Variants in SYTL2 observed in about 807,000 individuals in gnomAD.
SYTL2 encodes the protein synaptotagmin-like protein 2.
A neutral mutation model predicts 198.7 loss-of-function variants in SYTL2; 165 were observed. The observed-to-expected ratio is 0.83, with a 90% confidence interval of 0.73 to 0.94. The LOEUF (loss-of-function observed/expected upper bound fraction) is 0.94. Ranked by LOEUF, SYTL2 falls within the 40% of genes least tolerant of loss-of-function variation. The probability of loss-of-function intolerance (pLI) is 0.00; values close to 1 mark genes in which losing one functional copy is unlikely to be tolerated. For synonymous variants in SYTL2, 966 were observed against 917.7 expected, an observed-to-expected ratio of 1.05 and a Z score of -0.95; for missense variants, 2,835 against 2,582.8, an observed-to-expected ratio of 1.10 and a Z score of -2.12.
At chr11:85,781,940 T>C (rs1435405570) in intron 1 of SYTL2, among the ~76,000 whole-genome samples, 2 of 152,194 alleles carry the variant, frequency 1.3e-5, no homozygotes, top group African/African-American at 2.4e-5. Context: ...AGTGCAAGTG[T>C]TGGTGGATCT....
chr11:85,725,607 T>C lies in SYTL2; in HGVS notation c.3751A>G (p.Lys1251Glu). 2 of 1,614,144 alleles carry C rather than the reference T, an allele frequency of 1.2e-6. No individual in the cohort carries two copies. Among genetic ancestry groups the C allele is most frequent in the Non-Finnish European group, 1.7e-6 (2 of 1,180,010 alleles). ...SKLEEGRFFG[K>E]GIEQSHNTSA... ...GTATTGTGACTCTGTTCTATCCCTT[T>C]TCCAAAAAATCTCCCCTCTTCCAGC... Residue 1251 changes from lysine to glutamate, a missense_variant, in exon 8 of 20, where the codon AAA (lysine) becomes GAA (glutamate). Lys to Glu is a moderately conservative substitution (Grantham distance 56). This residue lies in a region of SYTL2 where 2,645 missense variants were observed against 2,381.7 expected (regional missense o/e 1.11). Transcript: ENST00000359152.
At chr11:85,696,614 T>C (rs961565068) in intron 18 of SYTL2, 31 of 546,558 alleles carry the variant, frequency 5.7e-5, no homozygotes, top group Non-Finnish European at 9.8e-5. Flanking sequence ...CTGACTCTGC[T>C]ACCTCCTGGG....
At chr11:85,779,065 T>C (rs2092511470) in intron 1 of SYTL2, among the ~76,000 whole-genome samples, 1 of 152,056 alleles carries the variant, frequency 6.6e-6, no homozygotes, top group Non-Finnish European at 1.5e-5. Context: ...ATATAACATA[T>C]ACATCTATAT....
Position 85,725,652 on chromosome 11 carries a change from T to G in SYTL2, c.3706A>C (p.Ile1236Leu). The change falls in exon 8 of 20, where the codon ATC becomes CTC. Residue 1236 changes from isoleucine to leucine, a missense_variant. Coordinates refer to ENST00000359152, the MANE Select transcript of SYTL2 (RefSeq NM_206927.4). ...SPLQAKLAPV[I>L]TGTNSKLEEG... ...TCCAGCTTAGAGTTGGTTCCAGTGA[T>G]AACAGGCGCCAACTTGGCTTGCAAG... is the stretch of plus-strand genomic sequence containing the variant. 3 of 1,614,130 alleles carry G rather than the reference T, an allele frequency of 1.9e-6. No individual in the cohort carries two copies. The South Asian group carries it at 3.3e-5, about 18-fold the overall frequency.
chr11:85,725,898 T>A lies in SYTL2; in HGVS notation c.3460A>T (p.Lys1154Ter), dbSNP rs1478277777. Residue 1154 changes from lysine (K) to a stop codon, truncating the protein, a stop_gained, in exon 8 of 20, where the codon AAA (lysine) becomes TAA (stop). Transcript: ENST00000359152. LOFTEE classifies it high-confidence loss of function. ...STPAIQPSGGKVHGKQVLEPS... is the reference protein window; with the variant it reads ...STPAIQPSGG ...TCAAGCACTTGTTTTCCATGAACTT[T>A]TCCACCAGAGGGTTGAATTGCTGGT... 2 of 1,613,882 alleles carry A rather than the reference T, an allele frequency of 1.2e-6. No homozygotes were observed. Among genetic ancestry groups the A allele is most frequent in the Non-Finnish European group, 1.7e-6 (2 of 1,179,956 alleles).
At position 85,709,310 on chromosome 11, in the gene SYTL2, G is replaced by C. The variant is rs567429647; in HGVS notation, c.5915+21C>G. On this transcript the variant is annotated intron_variant, in intron 14 of 19. Coordinates refer to ENST00000359152, the MANE Select transcript of SYTL2 (RefSeq NM_206927.4). ...CAGTTGGAGAACTAAGAGAAGGTAGGTGACTCTAAAATGTACTTACGGGTC... is the reference window on the plus strand; with the variant it reads ...CAGTTGGAGAACTAAGAGAAGGTAGCTGACTCTAAAATGTACTTACGGGTC... 45 of 1,611,954 alleles carry C rather than the reference G, an allele frequency of 2.8e-5. No individual in the cohort carries two copies. The Middle Eastern group carries it at 6.6e-4, about 24-fold the overall frequency.
chr11:85,746,251 T>C (rs1234843963), intron 3 of SYTL2, among the ~76,000 whole-genome samples: 1 of 152,220 alleles, frequency 6.6e-6, no homozygotes, highest in Non-Finnish European at 1.5e-5. Flanking sequence ...AATGTCTTCC[T>C]CTGCTGCCTT....
intron 4 of SYTL2, among the ~76,000 whole-genome samples, chr11:85,738,880 C>A (rs1224363536): frequency 6.6e-6 from 1 of 152,102 alleles, no homozygotes; most frequent in Non-Finnish European, 1.5e-5. Flanking sequence ...CTCACCAAGC[C>A]CAAAGGATAA....
At chr11:85,785,002 G>A (rs1284485492) in intron 1 of SYTL2, among the ~76,000 whole-genome samples, 1 of 152,000 alleles carries the variant, frequency 6.6e-6, no homozygotes, top group African/African-American at 2.4e-5. Flanking sequence ...CTTCTTATTT[G>A]GGTATTATTT....
chr11:85,717,853 AC>A, intron 10 of SYTL2: 1 of 387,414 alleles, frequency 2.6e-6, no homozygotes. Context: ...CCTCCCAGTG[AC>A]TGACTAACTA....
the SYTL2 span, among the ~76,000 whole-genome samples, chr11:85,832,527 A>C: frequency 4.6e-5 from 7 of 152,216 alleles, no homozygotes; most frequent in African/African-American, 1.7e-4. Context: ...AGTCACTGAA[A>C]TATAACTACA....
At chr11:85,777,674 A>C (rs1181657067) in intron 1 of SYTL2, among the ~76,000 whole-genome samples, 1 of 151,824 alleles carries the variant, frequency 6.6e-6, no homozygotes, top group African/African-American at 2.4e-5. Context: ...AAAAAGAAAA[A>C]AAACTACCAA....
chr11:85,742,059 T>C (rs1197669417), intron 4 of SYTL2, among the ~76,000 whole-genome samples: 1 of 135,080 alleles, frequency 7.4e-6, no homozygotes, highest in Non-Finnish European at 1.6e-5. Flanking sequence ...TTGATCTTGT[T>C]CTCCCTGAAC....
chr11:85,718,286 A>C (rs2087699080), intron 10 of SYTL2: 1 of 166,964 alleles, frequency 6.0e-6, no homozygotes, highest in South Asian at 1.5e-4. Flanking sequence ...ATTCAGAATC[A>C]ACTTCACCCT....
rs146084974 is a variant in SYTL2 at position 85,795,168 on chromosome 11, T to C, written c.-390+15786A>G. 2.2e-3 allele frequency among the ~76,000 whole-genome samples: 328 copies of C among 152,320 alleles called. 4 individuals carry two copies. The highest frequency in any genetic ancestry group is 2.3e-3 in the East Asian group (12 of 5,188). On this transcript the variant is annotated intron_variant, in intron 1 of 19. Transcript: ENST00000359152. ...AACCTTGTATTAGCTGTAATACTTA[T>C]ATTAGCTAATATAAGTATTAGCTGT...
rs755392290 is a variant in SYTL2 at position 85,725,849 on chromosome 11, G to A, written c.3509C>T (p.Thr1170Ile). The change falls in exon 8 of 20, where the codon ACA (threonine) becomes ATA (isoleucine). Residue 1170 changes from threonine (T) to isoleucine (I), a missense_variant. Physicochemically the swap from Thr to Ile is moderately conservative, Grantham distance 89 (BLOSUM62 -1). This residue lies in a region of SYTL2 where 2,645 missense variants were observed against 2,381.7 expected (regional missense o/e 1.11). Coordinates refer to ENST00000359152, the MANE Select transcript of SYTL2 (RefSeq NM_206927.4). ...VLEPSVSENR[T>I]WPQKTDFADT... ...AGCAAAATCTGTTTTTTGAGGCCAT[G>A]TCCTATTTTCAGAAACACTTGGTTC... 9 of 1,613,742 alleles carry A rather than the reference G, an allele frequency of 5.6e-6. No homozygotes were observed. The South Asian group carries it at 9.9e-5, about 18-fold the overall frequency.
chr11:85,784,660 T>C (rs1434675039), intron 1 of SYTL2, among the ~76,000 whole-genome samples: 1 of 152,214 alleles, frequency 6.6e-6, no homozygotes, highest in Non-Finnish European at 1.5e-5. Context: ...TAGGCTGAGA[T>C]ACAAGGGAAA....
At chr11:85,778,132 G>A (rs1164718236) in intron 1 of SYTL2, among the ~76,000 whole-genome samples, 1 of 152,068 alleles carries the variant, frequency 6.6e-6, no homozygotes, top group Non-Finnish European at 1.5e-5. Flanking sequence ...CTTCTTACTA[G>A]TGAGACTTTA....
the SYTL2 span, among the ~76,000 whole-genome samples, chr11:85,837,102 C>T: frequency 6.6e-6 from 1 of 152,204 alleles, no homozygotes; most frequent in African/African-American, 2.4e-5. Context: ...TTCTAACATT[C>T]CATTTACAGA....
Sources: gnomAD v4.1 joint callset for allele counts (sites outside exome capture counted in the v4.1 genomes callset) on GRCh38, gnomAD v4.1.1 for gene constraint, gnomAD v4.1.1 regional missense constraint, MANE v1.5 for transcripts, NCBI Gene and HGNC (gene_info 2026-07-23, HGNC 2026-07-21) for gene names.